The following MAP3K10 variants were observed in gnomAD, a reference collection of about 807,000 sequenced individuals.
MAP3K10 encodes MKN28 derived nonreceptor_type serine/threonine kinase.
A neutral mutation model predicts 75.0 loss-of-function variants in MAP3K10; 22 were observed. The ratio of observed to expected loss-of-function variants is 0.29; its 90% CI spans 0.21 to 0.42. The LOEUF (loss-of-function observed/expected upper bound fraction) is 0.42, where lower values mean the gene tolerates loss of function less well. Among genes scored for constraint, MAP3K10 ranks in the 10% least tolerant of loss-of-function variants. MAP3K10 has a pLI of 1.00. For missense variants in MAP3K10, 1,165 were observed against 1,379.8 expected, an observed-to-expected ratio of 0.84 and a Z score of 2.47; for synonymous variants, 599 against 612.9, an observed-to-expected ratio of 0.98 and a Z score of 0.34.
intron 9 of MAP3K10, among the ~76,000 whole-genome samples, 161 bp from the exon 10 acceptor site, chr19:40,214,809 A>G (rs1196596959): frequency 6.6e-6 from 1 of 152,146 alleles, no homozygotes; most frequent in Non-Finnish European, 1.5e-5. Context: ...GTCTAGGTCA[A>G]GGTCCCAGCA....
At position 40,192,509 on chromosome 19, in the gene MAP3K10, C is replaced by T. The variant is rs1365013514; in HGVS notation, c.478C>T (p.Leu160Phe). 1 of 1,613,652 alleles carries T rather than the reference C, an allele frequency of 6.2e-7. No individual in the cohort carries two copies. Among genetic ancestry groups the T allele is most frequent in the Middle Eastern group, 1.6e-4 (1 of 6,062 alleles). The change falls in exon 1 of 10, where the codon CTT becomes TTT. Residue 160 changes from leucine to phenylalanine, a missense_variant. Physicochemically the swap from Leu to Phe is conservative, Grantham distance 22 (BLOSUM62 0). Coordinates refer to ENST00000253055, the MANE Select transcript of MAP3K10 (RefSeq NM_002446.4). The surrounding 1 kb of genome is among the most constrained non-coding windows in gnomAD (Gnocchi z 7.1). ...CCTGCAGCACCCCAACATAATTGCC[C>T]TTAGGGGCGCCTGCCTCAACCCCCC... The part of the protein sequence containing the change: ...GALQHPNIIA[L>F]RGACLNPPHL...
At chr19:40,194,203 A>G (rs1473965511) in intron 1 of MAP3K10, among the ~76,000 whole-genome samples, 1 of 152,190 alleles carries the variant, frequency 6.6e-6, no homozygotes, top group East Asian at 1.9e-4. Flanking sequence ...TCTACTAAAA[A>G]TACAAAAATT....
At position 40,214,055 on chromosome 19, in the gene MAP3K10, C is replaced by T. The variant is rs1199569116; in HGVS notation, c.2376C>T (p.Asn792=). The T allele has an allele frequency of 7.2e-6, 10 of 1,382,300 alleles. No individual in the cohort carries two copies. The highest frequency in any genetic ancestry group is 4.2e-5 in the Admixed American group (2 of 47,936). The allele number at this position is 1,382,300 out of a possible 1,614,324, so 85.6% of individuals were successfully genotyped here. The change falls in exon 9 of 10, where the codon AAC becomes AAT. Residue 792 remains asparagine (N), a synonymous_variant. Coordinates refer to ENST00000253055, the MANE Select transcript of MAP3K10 (RefSeq NM_002446.4). The part of the protein sequence containing the change: ...APTPTPSPST[N]PLVDLELESF... ...CACCCACGCCCTCGCCCAGCACCAA[C>T]CCCCTGGTGGACCTGGAGCTGGAGA... is the stretch of plus-strand genomic sequence containing the variant.
At position 40,205,778 on chromosome 19, in the gene MAP3K10, G is replaced by A; in HGVS notation, c.1189-133G>A. The A allele has an allele frequency of 1.0e-6, 1 of 961,990 alleles. No individual in the cohort carries two copies. The highest frequency in any genetic ancestry group is 2.9e-5 in the East Asian group (1 of 35,042). 59.6% of individuals were successfully genotyped at this position (961,990 alleles called of 1,614,324 possible). On this transcript the variant is annotated intron_variant, in intron 4 of 9. Transcript: ENST00000253055. This position sits in a 1 kb window ranked among gnomAD's most constrained non-coding sequence, Gnocchi z 4.3. ...AGCTTGGCTAGCAAAGCATGAGTCG[G>A]GTGGTGAAACCAGTGTACCCCACAG...
Position 40,198,508 on chromosome 19 carries a change from G to A in MAP3K10, c.816G>A (p.Pro272=), listed in dbSNP as rs750198182. The A allele has an allele frequency of 7.5e-5, 121 of 1,614,036 alleles. No individual in the cohort carries two copies. The highest frequency in any genetic ancestry group is 6.6e-4 in the Middle Eastern group (4 of 6,060). The change falls in exon 2 of 10, where the codon CCG becomes CCA. Residue 272 remains proline, a synonymous_variant. Transcript: ENST00000253055. The surrounding 1 kb of genome is among the most constrained non-coding windows in gnomAD (Gnocchi z 4.3). ...SAAGTYAWMA[P]EVIRLSLFSK... is the part of the protein sequence containing the mutation. ...CGGGGACCTACGCCTGGATGGCGCC[G>A]GAGGTTATCCGTCTCTCCCTCTTCT...
At chr19:40,201,814 T>A (rs1469575214) in intron 2 of MAP3K10, among the ~76,000 whole-genome samples, 15 of 148,408 alleles carry the variant, frequency 1.0e-4, no homozygotes, top group Admixed American at 8.1e-4. Flanking sequence ...TTTTTTTTTT[T>A]TAATTTTAAG....
rs567587970 is a variant in MAP3K10, at chr19:40,196,305, A to G, written c.683-2070A>G. Among the ~76,000 whole-genome samples, 430 of 152,290 alleles carry G rather than the reference A, an allele frequency of 2.8e-3. 1 individual carries two copies. The highest frequency in any genetic ancestry group is 5.0e-3 in the Non-Finnish European group (340 of 68,028). ...GCCTTTGTCCTGCCATTTTCTAACC[A>G]TGTGACCTCTTGGCCAAGTGACTTC... On this transcript the variant is annotated intron_variant, in intron 1 of 9. Coordinates refer to ENST00000253055, the MANE Select transcript of MAP3K10 (RefSeq NM_002446.4).
rs1973306532 is a variant in MAP3K10, at chr19:40,214,213, A to G, written c.2534A>G (p.His845Arg). Residue 845 changes from histidine (H) to arginine (R), a missense_variant, in exon 9 of 10, where the codon CAT becomes CGT. This residue lies in a region of MAP3K10 where 590 missense variants were observed against 586.6 expected (regional missense o/e 1.01). Transcript: ENST00000253055. ...CGGGGGCCGCCCGAGCCCGCGGGCCATGGCCCTGGTGAGTGAGGCGCCCTG... is the reference window on the plus strand; with the variant it reads ...CGGGGGCCGCCCGAGCCCGCGGGCCGTGGCCCTGGTGAGTGAGGCGCCCTG... ...GQRGPPEPAGHGPGPRDLLDF... is the reference protein window; with the variant it reads ...GQRGPPEPAGRGPGPRDLLDF... 2 of 1,418,020 alleles carry G rather than the reference A, an allele frequency of 1.4e-6. No individual in the cohort carries two copies. Among genetic ancestry groups the G allele is most frequent in the Non-Finnish European group, 1.8e-6 (2 of 1,097,504 alleles). 87.8% of individuals were successfully genotyped at this position (1,418,020 alleles called of 1,614,324 possible). A position where few individuals can be genotyped will look rare whatever the true frequency, so the allele number is the denominator to read the frequency against.
Position 40,204,313 on chromosome 19 carries a change from C to A in MAP3K10, c.864-172C>A, listed in dbSNP as rs1440005461. Among the ~76,000 whole-genome samples, 1 of 152,128 alleles carries A rather than the reference C, an allele frequency of 6.6e-6. No individual in the cohort carries two copies. The highest frequency in any genetic ancestry group is 1.5e-5 in the Non-Finnish European group (1 of 68,020). On this transcript the variant is annotated intron_variant, in intron 2 of 9. Transcript: ENST00000253055. The surrounding 1 kb of genome is among the most constrained non-coding windows in gnomAD (Gnocchi z 4.3). ...AGAGACATCAGAGAGCCAAACCCAC[C>A]CCATCTATTGGAGAACAAGGCCATG...
At position 40,198,673 on chromosome 19, in the gene MAP3K10, C is replaced by A; in HGVS notation, c.863+118C>A. 6 of 1,114,670 alleles carry A rather than the reference C, an allele frequency of 5.4e-6. No homozygotes were observed. The highest frequency in any genetic ancestry group is 7.5e-6 in the Non-Finnish European group (6 of 795,404). The allele number at this position is 1,114,670 out of a possible 1,614,324, so 69.0% of individuals were successfully genotyped here. ...CAGGATCTCAGTCTGACAAAGGGAC[C>A]TGCTGGCAAGGTCAGGCCACCAGAC... On this transcript the variant is annotated intron_variant, in intron 2 of 9. Coordinates refer to ENST00000253055, the MANE Select transcript of MAP3K10 (RefSeq NM_002446.4). This position sits in a 1 kb window ranked among gnomAD's most constrained non-coding sequence, Gnocchi z 4.3.
chr19:40,212,027 G>C lies in MAP3K10; in HGVS notation c.1553-778G>C, dbSNP rs1005748144. On this transcript the variant is annotated intron_variant, in intron 6 of 9. Coordinates refer to ENST00000253055, the MANE Select transcript of MAP3K10 (RefSeq NM_002446.4). The surrounding 1 kb of genome is among the most constrained non-coding windows in gnomAD (Gnocchi z 4.2). ...GGCAAGAGCCACCGCACCTGGCCTG[G>C]TATGGATTTTCTTTTAACTGCCCTG... 6.6e-6 allele frequency among the ~76,000 whole-genome samples: 1 copy of C among 152,178 alleles called. No homozygotes were observed. The highest frequency in any genetic ancestry group is 2.4e-5 in the African/African-American group (1 of 41,454).
intron 5 of MAP3K10, 35 bp downstream of exon 5, chr19:40,206,192 G>T: frequency 6.4e-7 from 1 of 1,553,404 alleles, no homozygotes; most frequent in Non-Finnish European, 8.7e-7. Flanking sequence ...CCCCCCAAGA[G>T]GCTGCTGGGA....
chr19:40,201,083 A>T (rs1973009482), intron 2 of MAP3K10, among the ~76,000 whole-genome samples: 2 of 152,014 alleles, frequency 1.3e-5, no homozygotes, highest in Non-Finnish European at 2.9e-5. Context: ...CCCTCCAGTT[A>T]TAAACCACTG....
In MAP3K10 at chr19:40,192,163, G is replaced by T; in HGVS notation, c.132G>T (p.Gln44His). 1 of 1,605,280 alleles carries T rather than the reference G, an allele frequency of 6.2e-7. No homozygotes were observed. The highest frequency in any genetic ancestry group is 8.5e-7 in the Non-Finnish European group (1 of 1,176,960). Residue 44 changes from glutamine to histidine, a missense_variant, in exon 1 of 10, where the codon CAG (glutamine) becomes CAT (histidine). This residue lies in a region of MAP3K10 where 575 missense variants were observed against 793.2 expected (regional missense o/e 0.72). Coordinates refer to ENST00000253055, the MANE Select transcript of MAP3K10 (RefSeq NM_002446.4). This position sits in a 1 kb window ranked among gnomAD's most constrained non-coding sequence, Gnocchi z 7.1. ...ELTLRRGDRV[Q>H]VLSQDCAVSG... The stretch of plus-strand genomic sequence containing the variant: ...CCCTGCGGAGGGGCGATCGCGTCCA[G>T]GTGCTTTCCCAAGACTGTGCGGTGT...
intron 5 of MAP3K10, 145 bp downstream of exon 5, chr19:40,206,302 G>A (rs1267866491): frequency 8.9e-6 from 9 of 1,008,864 alleles, no homozygotes; most frequent in South Asian, 2.1e-5. Flanking sequence ...GTGCAGTGGC[G>A]AGCACTTGTA....
chr19:40,192,676 T>C lies in MAP3K10; in HGVS notation c.645T>C (p.Pro215=). The change falls in exon 1 of 10, where the codon CCT becomes CCC. Residue 215 remains proline (P), a synonymous_variant. Coordinates refer to ENST00000253055, the MANE Select transcript of MAP3K10 (RefSeq NM_002446.4). The surrounding 1 kb of genome is among the most constrained non-coding windows in gnomAD (Gnocchi z 7.1). ...RGMNYLHNDA[P]VPIIHRDLKS... Reference sequence around the variant, plus strand: ...TGAACTACCTACACAATGATGCCCCTGTGCCCATCATCCACCGGGACCTCA... The same window carrying C: ...TGAACTACCTACACAATGATGCCCCCGTGCCCATCATCCACCGGGACCTCA... The C allele has an allele frequency of 2.6e-6, 4 of 1,558,382 alleles. No individual in the cohort carries two copies. The highest frequency in any genetic ancestry group is 3.5e-6 in the Non-Finnish European group (4 of 1,151,208).
intron 5 of MAP3K10, 117 bp downstream of exon 5, chr19:40,206,274 TAGTC>T: frequency 1.6e-6 from 2 of 1,279,990 alleles, no homozygotes; most frequent in Non-Finnish European, 2.1e-6. Flanking sequence ...ATATCGCACA[TAGTC>T]AGTGATCAGC....
At chr19:40,199,743 A>G (rs1295326213) in intron 2 of MAP3K10, among the ~76,000 whole-genome samples, 1 of 152,240 alleles carries the variant, frequency 6.6e-6, no homozygotes, top group Non-Finnish European at 1.5e-5. Context: ...GTACTTTGGG[A>G]GGCCAAGGTG....
At chr19:40,214,378 G>A (rs1169711977) in intron 9 of MAP3K10, among the ~76,000 whole-genome samples, 157 bp downstream of exon 9, 1 of 152,168 alleles carries the variant, frequency 6.6e-6, no homozygotes, top group Admixed American at 6.5e-5. Flanking sequence ...ACTCCTGGAG[G>A]CATCGGGGGT....
Sources: gnomAD v4.1 joint callset for allele counts (sites outside exome capture counted in the v4.1 genomes callset) on GRCh38, gnomAD v4.1.1 for gene constraint, gnomAD v4.1.1 regional missense constraint, Gnocchi (gnomAD v3.1) non-coding constraint, MANE v1.5 for transcripts, NCBI Gene and HGNC (gene_info 2026-07-23, HGNC 2026-07-21) for gene names.